STXBP4: variants seen among roughly 807,000 people sequenced by gnomAD.
The protein encoded by STXBP4 is syntaxin binding protein 4.
In STXBP4, 55 loss-of-function variants were observed where a neutral mutation model predicts 76.1. The observed-to-expected ratio is 0.72, with a 90% CI of 0.58 to 0.91. The LOEUF is 0.91. STXBP4 is among the 40% of genes least tolerant of loss of function. The probability of loss-of-function intolerance (pLI) is 0.00; values close to 1 mark genes in which losing one functional copy is unlikely to be tolerated. For synonymous variants in STXBP4, 201 were observed against 220.2 expected (o/e 0.91, Z 0.77); for missense variants, 618 against 636.9 (o/e 0.97, Z 0.32).
the STXBP4 span, among the ~76,000 whole-genome samples, chr17:55,180,328 GTTC>G: frequency 6.6e-6 from 1 of 152,148 alleles, no homozygotes; most frequent in African/African-American, 2.4e-5. Context: ...GATGCCATTT[GTTC>G]TTCTTTGCAT....
intron 8 of STXBP4, among the ~76,000 whole-genome samples, chr17:55,022,232 A>G (rs969129901): frequency 6.6e-6 from 1 of 152,050 alleles, no homozygotes; most frequent in Non-Finnish European, 1.5e-5. Flanking sequence ...ACTTCTTTCT[A>G]GATTATTTGA....
At chr17:55,053,081 A>G (rs1175199986) in intron 12 of STXBP4, among the ~76,000 whole-genome samples, 1 of 151,832 alleles carries the variant, frequency 6.6e-6, no homozygotes, top group East Asian at 1.9e-4. Context: ...TGGATCCTCT[A>G]CCGGAATGGG....
the STXBP4 span, among the ~76,000 whole-genome samples, chr17:55,193,875 G>T: frequency 6.7e-6 from 1 of 150,254 alleles, no homozygotes; most frequent in East Asian, 2.0e-4. Flanking sequence ...GACAGGCAAG[G>T]ACTAGCATCA....
chr17:54,980,712 TC>T (rs1216710722), intron 1 of STXBP4, among the ~76,000 whole-genome samples: 1 of 152,210 alleles, frequency 6.6e-6, no homozygotes, highest in African/African-American at 2.4e-5. Flanking sequence ...GGTAGGGTTT[TC>T]CTTTTGATTC....
intron 15 of STXBP4, among the ~76,000 whole-genome samples, chr17:55,079,928 A>C (rs2079235462): frequency 6.6e-6 from 1 of 152,178 alleles, no homozygotes; most frequent in Non-Finnish European, 1.5e-5. Flanking sequence ...ATGATGAAGG[A>C]ACCTGACATA....
At chr17:55,103,447 T>C (rs2145027129) in intron 16 of STXBP4, among the ~76,000 whole-genome samples, 1 of 152,206 alleles carries the variant, frequency 6.6e-6, no homozygotes, top group East Asian at 1.9e-4. Flanking sequence ...TTGTAGTGTA[T>C]AGCATTATTT....
At chr17:55,057,104 T>C (rs986147482) in intron 12 of STXBP4, among the ~76,000 whole-genome samples, 1 of 152,228 alleles carries the variant, frequency 6.6e-6, no homozygotes, top group Non-Finnish European at 1.5e-5. Flanking sequence ...CTTTTCCTTG[T>C]AGTTTGTAGT....
At chr17:55,063,125 C>A (rs1378510446) in intron 12 of STXBP4, among the ~76,000 whole-genome samples, 1 of 152,168 alleles carries the variant, frequency 6.6e-6, no homozygotes, top group Non-Finnish European at 1.5e-5. Context: ...TTTTGGACAG[C>A]CCAGCTGGCA....
intron 16 of STXBP4, among the ~76,000 whole-genome samples, chr17:55,121,120 T>C (rs1379599211): frequency 1.3e-5 from 2 of 152,154 alleles, no homozygotes; most frequent in Non-Finnish European, 2.9e-5. Flanking sequence ...CTGAGGAAGA[T>C]TCAGTACCCT....
chr17:55,149,454 A>T (rs2145171384), intron 17 of STXBP4, among the ~76,000 whole-genome samples: 1 of 152,200 alleles, frequency 6.6e-6, no homozygotes, highest in East Asian at 1.9e-4. Context: ...TCTTGTACAA[A>T]AACAAGGATA....
chr17:55,121,203 T>C (rs1487522219), intron 16 of STXBP4, among the ~76,000 whole-genome samples: 2 of 152,200 alleles, frequency 1.3e-5, no homozygotes, highest in Non-Finnish European at 2.9e-5. Flanking sequence ...AAGTTTAAGA[T>C]ATTAAGTATT....
intron 16 of STXBP4, among the ~76,000 whole-genome samples, chr17:55,123,190 T>C (rs1230264230): frequency 6.6e-6 from 1 of 152,176 alleles, no homozygotes; most frequent in Non-Finnish European, 1.5e-5. Flanking sequence ...GTACTTTTCA[T>C]ATCAGGATCC....
the STXBP4 span, among the ~76,000 whole-genome samples, chr17:55,202,775 T>G: frequency 6.6e-6 from 1 of 152,166 alleles, no homozygotes; most frequent in African/African-American, 2.4e-5. Flanking sequence ...CCATTGGTGA[T>G]GGAAATTATT....
chr17:55,013,376 A>G (rs1266662201), intron 8 of STXBP4, among the ~76,000 whole-genome samples: 1 of 152,284 alleles, frequency 6.6e-6, no homozygotes, highest in South Asian at 2.1e-4. Flanking sequence ...CTAAATGGGT[A>G]TTGGCTTTCT....
intron 13 of STXBP4, among the ~76,000 whole-genome samples, chr17:55,075,585 A>T (rs2079172243): frequency 6.6e-6 from 1 of 152,164 alleles, no homozygotes; most frequent in African/African-American, 2.4e-5. Context: ...TTTACTAGGT[A>T]ATGCCTACTT....
intron 16 of STXBP4, among the ~76,000 whole-genome samples, chr17:55,123,177 A>G (rs1296252527): frequency 6.6e-6 from 1 of 152,144 alleles, no homozygotes; most frequent in Non-Finnish European, 1.5e-5. Context: ...AGTTCTTGCC[A>G]AAGTACTTTT....
intron 4 of STXBP4, among the ~76,000 whole-genome samples, chr17:54,993,513 T>A (rs1318721914): frequency 6.6e-6 from 1 of 152,184 alleles, no homozygotes; most frequent in Non-Finnish European, 1.5e-5. Flanking sequence ...TTCTAGTGCT[T>A]ACATTATTTT....
chr17:55,017,427 A>G (rs2078228406), intron 8 of STXBP4, among the ~76,000 whole-genome samples: 1 of 152,184 alleles, frequency 6.6e-6, no homozygotes, highest in South Asian at 2.1e-4. Context: ...CTAGATGCCT[A>G]AGGACGCAGC....
intron 16 of STXBP4, among the ~76,000 whole-genome samples, chr17:55,084,208 G>C (rs1330953978): frequency 6.6e-6 from 1 of 152,066 alleles, no homozygotes; most frequent in Non-Finnish European, 1.5e-5. Context: ...TTGTGGTTTT[G>C]CTTTGCATTT....
Sources: allele counts gnomAD v4.1 joint callset (sites outside exome capture counted in the v4.1 genomes callset), GRCh38; gene constraint gnomAD v4.1.1; transcripts MANE v1.5; gene names NCBI Gene and HGNC (gene_info 2026-07-23, HGNC 2026-07-21).